The following TANC2 variants were observed in gnomAD, a reference collection of about 807,000 sequenced individuals.
The protein encoded by TANC2 is protein TANC2.
TANC2 carries 26 observed loss-of-function variants against 210.5 expected under a neutral mutation model. The ratio of observed to expected loss-of-function variants is 0.12; its 90% CI spans 0.09 to 0.17. TANC2 has a LOEUF of 0.17. Ranked by LOEUF, TANC2 falls within the 10% of genes least tolerant of loss-of-function variation. The probability of loss-of-function intolerance (pLI) is 1.00; values close to 1 mark genes in which losing one functional copy is unlikely to be tolerated. For missense variants in TANC2, 2,129 were observed against 2,608.9 expected, an observed-to-expected ratio of 0.82 and a Z score of 4.01; for synonymous variants, 931 against 967.1, an observed-to-expected ratio of 0.96 and a Z score of 0.69.
At chr17:63,356,940 A>G (rs535098354) in intron 14 of TANC2, among the ~76,000 whole-genome samples, 1 of 152,304 alleles carries the variant, frequency 6.6e-6, no homozygotes, top group Non-Finnish European at 1.5e-5. Context: ...GGTGTATCTT[A>G]GTTAAATCCT....
intron 17 of TANC2, among the ~76,000 whole-genome samples, chr17:63,395,335 T>A (rs894253816): frequency 6.6e-6 from 1 of 152,240 alleles, no homozygotes; most frequent in African/African-American, 2.4e-5. Flanking sequence ...AGCTTCATAA[T>A]GTTTTTCTTC....
chr17:63,287,466 ATGT>A (rs1257998475), intron 9 of TANC2, among the ~76,000 whole-genome samples: 2 of 151,772 alleles, frequency 1.3e-5, no homozygotes, highest in African/African-American at 4.8e-5. Flanking sequence ...TGGTTATCTG[ATGT>A]TGTGAATTTT....
chr17:63,033,013 A>G (rs2034833784), intron 2 of TANC2, among the ~76,000 whole-genome samples: 1 of 152,138 alleles, frequency 6.6e-6, no homozygotes, highest in Admixed American at 6.6e-5. Flanking sequence ...GACACTTAAC[A>G]TTTGCCAGTT....
intron 9 of TANC2, among the ~76,000 whole-genome samples, chr17:63,297,238 G>T (rs1184062780): frequency 6.6e-6 from 1 of 152,144 alleles, no homozygotes; most frequent in African/African-American, 2.4e-5. Context: ...ACATGGACTT[G>T]CAAGGGGCCC....
intron 4 of TANC2, among the ~76,000 whole-genome samples, chr17:63,128,446 G>A (rs915672012): frequency 6.6e-6 from 1 of 152,064 alleles, no homozygotes; most frequent in Non-Finnish European, 1.5e-5. Context: ...TCTTTACTTA[G>A]GTTGTCTAAG....
At chr17:63,321,074 T>C (rs2045478812) in intron 11 of TANC2, among the ~76,000 whole-genome samples, 1 of 152,078 alleles carries the variant, frequency 6.6e-6, no homozygotes, top group Non-Finnish European at 1.5e-5. Context: ...AGCATGTGCC[T>C]GTAGTCCCAG....
intron 2 of TANC2, among the ~76,000 whole-genome samples, chr17:63,025,703 T>G (rs1242856868): frequency 6.6e-6 from 1 of 151,544 alleles, no homozygotes. Flanking sequence ...GGCTGAGGCA[T>G]GAGAATCGCT....
At chr17:63,164,707 C>T (rs900413007) in intron 5 of TANC2, among the ~76,000 whole-genome samples, 2 of 152,080 alleles carry the variant, frequency 1.3e-5, no homozygotes, top group African/African-American at 2.4e-5. Context: ...AGTCTGAATC[C>T]AGAGGGCTGA....
intron 8 of TANC2, among the ~76,000 whole-genome samples, chr17:63,239,439 C>T (rs992367361): frequency 1.3e-5 from 2 of 152,118 alleles, no homozygotes; most frequent in Non-Finnish European, 2.9e-5. Context: ...GATAATTACT[C>T]CTTATGTAGC....
At chr17:63,226,049 C>T (rs951148117) in intron 7 of TANC2, among the ~76,000 whole-genome samples, 7 of 152,136 alleles carry the variant, frequency 4.6e-5, no homozygotes, top group African/African-American at 1.2e-4. Context: ...TAGACTTGCA[C>T]TAGATCTTAT....
intron 1 of TANC2, among the ~76,000 whole-genome samples, chr17:62,994,345 C>G (rs1285587316): frequency 7.5e-6 from 1 of 133,514 alleles, no homozygotes; most frequent in Non-Finnish European, 1.6e-5. Context: ...CCACACCTGG[C>G]TCATTTTTTT....
intron 13 of TANC2, among the ~76,000 whole-genome samples, chr17:63,352,853 CA>C (rs1240699108): frequency 1.3e-5 from 2 of 151,916 alleles, no homozygotes; most frequent in Non-Finnish European, 2.9e-5. Context: ...GCTGGAGATT[CA>C]AAATGAACAA....
At chr17:63,133,411 T>G (rs867298183) in intron 4 of TANC2, among the ~76,000 whole-genome samples, 4 of 152,354 alleles carry the variant, frequency 2.6e-5, no homozygotes, top group African/African-American at 9.6e-5. Flanking sequence ...GGCCAGTAGT[T>G]TTTTACTTCC....
chr17:63,121,503 G>A (rs1598429192), intron 4 of TANC2, among the ~76,000 whole-genome samples: 1 of 152,040 alleles, frequency 6.6e-6, no homozygotes, highest in Admixed American at 6.6e-5. Flanking sequence ...TAAGGCAAAG[G>A]CATTTGAATA....
chr17:63,355,683 C>A lies in TANC2; in HGVS notation c.2582+293C>A, dbSNP rs143972809. On this transcript the variant is annotated intron_variant, in intron 14 of 27. Coordinates refer to ENST00000689528, the Ensembl canonical transcript of TANC2. Reference sequence around the variant, plus strand: ...GGTTCACAGGCTATAATTAAGTTAACCATTTAATGGACTTCCTCAGTATTA... The same window carrying A: ...GGTTCACAGGCTATAATTAAGTTAAACATTTAATGGACTTCCTCAGTATTA... 1.1e-3 allele frequency among the ~76,000 whole-genome samples: 170 copies of A among 152,212 alleles called. 2 individuals are homozygous for A. Among genetic ancestry groups the A allele is most frequent in the African/African-American group, 3.8e-3 (157 of 41,562 alleles).
At chr17:63,063,850 A>ACGAT (rs2036097974) in intron 2 of TANC2, among the ~76,000 whole-genome samples, 1 of 152,058 alleles carries the variant, frequency 6.6e-6, no homozygotes, top group Non-Finnish European at 1.5e-5. Flanking sequence ...CTACCTTTTC[A>ACGAT]CGATTTTCTC....
At chr17:63,166,855 G>T (rs921454271) in intron 5 of TANC2, among the ~76,000 whole-genome samples, 19 of 152,156 alleles carry the variant, frequency 1.2e-4, no homozygotes, top group Non-Finnish European at 2.2e-4. Context: ...GAAACATAGG[G>T]TTTATGTGTT....
At chr17:63,220,717 A>ATATATATATATATATATATATAT (rs1254929643) in intron 7 of TANC2, among the ~76,000 whole-genome samples, 2 of 135,922 alleles carry the variant, frequency 1.5e-5, no homozygotes, top group Non-Finnish European at 3.1e-5. Flanking sequence ...AAAAAAAAAA[A>ATATATATATATATATATATATAT]AAATATATAT....
chr17:63,392,838 G>A (rs565600872), intron 17 of TANC2, among the ~76,000 whole-genome samples: 276 of 151,982 alleles, frequency 1.8e-3, no homozygotes, highest in Non-Finnish European at 2.1e-3. Context: ...AATAATAAAA[G>A]TAAATAAAAT....
Sources: gnomAD v4.1 joint callset for allele counts (sites outside exome capture counted in the v4.1 genomes callset) on GRCh38, gnomAD v4.1.1 for gene constraint, MANE v1.5 for transcripts, NCBI Gene and HGNC (gene_info 2026-07-23, HGNC 2026-07-21) for gene names.